Variants in MFAP2 observed in about 807,000 individuals in gnomAD.
MFAP2 encodes the protein microfibrillar-associated protein 2.
MFAP2 carries 23 observed loss-of-function variants against 30.6 expected under a neutral mutation model. The observed-to-expected ratio is 0.75, with a 90% confidence interval of 0.54 to 1.07. The LOEUF (loss-of-function observed/expected upper bound fraction) is 1.07. Ranked by LOEUF, MFAP2 falls within the 50% of genes least tolerant of loss-of-function variation. MFAP2 has a pLI of 0.00. For synonymous variants in MFAP2, 73 were observed against 85.7 expected (o/e 0.85, Z 0.82); for missense variants, 198 against 223.8 (o/e 0.88, Z 0.74).
intron 2 of MFAP2, 125 bp downstream of exon 2, chr1:16,978,112 C>G (rs2076608005): frequency 8.1e-6 from 9 of 1,104,958 alleles, no homozygotes; most frequent in African/African-American, 1.6e-5. Context: ...GCAGAAGGCC[C>G]TGGGAGCTGG....
intron 1 of MFAP2, among the ~76,000 whole-genome samples, chr1:16,980,127 C>G (rs879591559): frequency 4.3e-4 from 65 of 152,088 alleles, no homozygotes; most frequent in Non-Finnish European, 5.6e-4. Context: ...GGGGAGGGGT[C>G]CCGGCGGGAG....
intron 1 of MFAP2, among the ~76,000 whole-genome samples, chr1:16,980,114 CA>C (rs1316642072): frequency 1.3e-5 from 2 of 152,074 alleles, no homozygotes; most frequent in Admixed American, 1.3e-4. Context: ...GAGCCGGGCT[CA>C]GGGGGAGGGG....
At chr1:16,977,031 C>T in intron 3 of MFAP2, 78 bp downstream of exon 3, 3 of 1,612,238 alleles carry the variant, frequency 1.9e-6, no homozygotes, top group Non-Finnish European at 2.5e-6. Context: ...GAGTTCCCAT[C>T]AGCGTGTCCA....
rs1408113045 is a variant in MFAP2, at chr1:16,976,307, A to G, written c.286+194T>C. On this transcript the variant is annotated intron_variant, in intron 6 of 8. Transcript: ENST00000375535. The surrounding 1 kb of genome is among the most constrained non-coding windows in gnomAD (Gnocchi z 5.5). ...GCCAATTTAGCCTCCAGCCAGGCAC[A>G]CTGGGGACAGGTGGGACCTCCTGGA... 4.5e-6 allele frequency: 3 copies of G among 674,004 alleles called. No individual in the cohort carries two copies. The highest frequency in any genetic ancestry group is 7.7e-6 in the Non-Finnish European group (3 of 388,726). 41.8% of individuals were successfully genotyped at this position (674,004 alleles called of 1,614,324 possible). A position where few individuals can be genotyped will look rare whatever the true frequency, so the allele number is the denominator to read the frequency against.
At chr1:16,978,136 G>T in intron 2 of MFAP2, 101 bp downstream of exon 2, 1 of 1,329,178 alleles carries the variant, frequency 7.5e-7, no homozygotes, top group Non-Finnish European at 1.0e-6. Flanking sequence ...GCTGAGTTCT[G>T]GTCATAAGTC....
Position 16,975,497 on chromosome 1 carries a change from G to A in MFAP2, c.374+146C>T, listed in dbSNP as rs1340207215. On this transcript the variant is annotated intron_variant, in intron 7 of 8. Transcript: ENST00000375535. This position sits in a 1 kb window ranked among gnomAD's most constrained non-coding sequence, Gnocchi z 5.0. ...AGCCCAGGAGTGGAGGAGGTCCCTG[G>A]CCCAGGCTCAACCACAGAACTGAGC... 1 of 1,215,464 alleles carries A rather than the reference G, an allele frequency of 8.2e-7. No homozygotes were observed. Among genetic ancestry groups the A allele is most frequent in the Non-Finnish European group, 1.2e-6 (1 of 838,282 alleles). The allele number at this position is 1,215,464 out of a possible 1,614,324, so 75.3% of individuals were successfully genotyped here.
chr1:16,976,642 G>A lies in MFAP2; in HGVS notation c.241+66C>T. The A allele has an allele frequency of 6.2e-7, 1 of 1,610,376 alleles. No homozygotes were observed. Among genetic ancestry groups the A allele is most frequent in the Non-Finnish European group, 8.5e-7 (1 of 1,177,094 alleles). ...CAGCCCTGGCAGACCCCCACTCCCA[G>A]GGTTGACAGGGTGGGGAGGGGTGAG... On this transcript the variant is annotated intron_variant, in intron 5 of 8. Coordinates refer to ENST00000375535, the MANE Select transcript of MFAP2 (RefSeq NM_002403.4). The surrounding 1 kb of genome is among the most constrained non-coding windows in gnomAD (Gnocchi z 5.5).
In MFAP2 at chr1:16,975,854, A is replaced by G. The variant is rs899419858; in HGVS notation, c.287-124T>C. ...CTTCAGGCCCCGTGCAGACACCCAT[A>G]CCTACACATGCCCACATAGACCCAC... On this transcript the variant is annotated intron_variant, in intron 6 of 8. Transcript: ENST00000375535. This position sits in a 1 kb window ranked among gnomAD's most constrained non-coding sequence, Gnocchi z 5.0. The G allele has an allele frequency of 2.8e-6, 2 of 719,444 alleles. No individual in the cohort carries two copies. The highest frequency in any genetic ancestry group is 4.7e-6 in the Non-Finnish European group (2 of 422,212). 44.6% of individuals were successfully genotyped at this position (719,444 alleles called of 1,614,324 possible). A position where few individuals can be genotyped will look rare whatever the true frequency, so the allele number is the denominator to read the frequency against.
In MFAP2 at chr1:16,974,884, CCCAGGAGGG is replaced by C; in HGVS notation, c.*27_*35del. On this transcript the variant is annotated 3_prime_UTR_variant, in exon 9 of 9. Transcript: ENST00000375535. ...CAGGCAGGGCCCGAGGGCCCCAGAT[CCCAGGAGGG>C]CCAGGACTCAGGATGCCAGCACCAC... 8 of 610,370 alleles carry C rather than the reference CCCAGGAGGG, an allele frequency of 1.3e-5. No homozygotes were observed. The highest frequency in any genetic ancestry group is 2.3e-5 in the Non-Finnish European group (8 of 346,362). 37.8% of individuals were successfully genotyped at this position (610,370 alleles called of 1,614,324 possible).
chr1:16,977,974 G>A, intron 2 of MFAP2: 1 of 435,126 alleles, frequency 2.3e-6, no homozygotes, highest in South Asian at 2.8e-5. Flanking sequence ...TGTGCCCACG[G>A]AGTCCTTGTG....
At position 16,976,274 on chromosome 1, in the gene MFAP2, C is replaced by T; in HGVS notation, c.286+227G>A. On this transcript the variant is annotated intron_variant, in intron 6 of 8. Coordinates refer to ENST00000375535, the MANE Select transcript of MFAP2 (RefSeq NM_002403.4). This position sits in a 1 kb window ranked among gnomAD's most constrained non-coding sequence, Gnocchi z 5.5. The stretch of plus-strand genomic sequence containing the variant: ...CAGTATCTGTGAGGTCAGGGGCCTT[C>T]CTAGGCTGCCAATTTAGCCTCCAGC... 2 of 615,604 alleles carry T rather than the reference C, an allele frequency of 3.2e-6. No individual in the cohort carries two copies. The highest frequency in any genetic ancestry group is 5.7e-5 in the Admixed American group (2 of 35,218). The allele number at this position is 615,604 out of a possible 1,614,324, so 38.1% of individuals were successfully genotyped here. A position where few individuals can be genotyped will look rare whatever the true frequency, so the allele number is the denominator to read the frequency against.
At chr1:16,979,222 G>C (rs2100588263) in intron 1 of MFAP2, 1 of 152,394 alleles carries the variant, frequency 6.6e-6, no homozygotes, top group South Asian at 2.1e-4. Context: ...TGGGACTTGG[G>C]GGAGCCTCCG....
chr1:16,979,869 T>A (rs1349372707), intron 1 of MFAP2, among the ~76,000 whole-genome samples: 1 of 152,138 alleles, frequency 6.6e-6, no homozygotes, highest in African/African-American at 2.4e-5. Context: ...GAAGTCAGTG[T>A]GGAGTTCATG....
In MFAP2 at chr1:16,975,335, G is replaced by A. The variant is rs2076579704; in HGVS notation, c.382C>T (p.Arg128Cys). 2.5e-6 allele frequency: 4 copies of A among 1,613,730 alleles called. No individual in the cohort carries two copies. The highest frequency in any genetic ancestry group is 4.5e-5 in the East Asian group (2 of 44,882). Residue 128 changes from arginine to cysteine, a missense_variant, in exon 8 of 9, where the codon CGT becomes TGT. Coordinates refer to ENST00000375535, the MANE Select transcript of MFAP2 (RefSeq NM_002403.4). The surrounding 1 kb of genome is among the most constrained non-coding windows in gnomAD (Gnocchi z 5.0). ...ATCTCCTTGTTAATGACGTACACAC[G>A]GCGGAGGCTGCGGGGACAGGGCACG... ...LNEVCFYSLR[R>C]VYVINKEICV...
chr1:16,977,532 G>A (rs909257585), intron 2 of MFAP2: 3 of 259,250 alleles, frequency 1.2e-5, no homozygotes, highest in African/African-American at 6.7e-5. Context: ...GTCTTCCCTG[G>A]AATTTCAGCT....
intron 2 of MFAP2, 79 bp from the exon 3 acceptor site, chr1:16,977,277 G>A (rs1056329985): frequency 6.5e-5 from 92 of 1,423,002 alleles, no homozygotes; most frequent in Non-Finnish European, 8.2e-5. Flanking sequence ...GAGTGGAGGC[G>A]GGGGTCACAA....
chr1:16,980,853 T>G (rs913568193), upstream of MFAP2: 1 of 153,002 alleles, frequency 6.5e-6, no homozygotes, highest in African/African-American at 2.4e-5. Flanking sequence ...CAGCTGCTCC[T>G]CACTCGACGT....
intron 2 of MFAP2, 53 bp downstream of exon 2, chr1:16,978,184 T>C (rs2076608693): frequency 6.5e-6 from 10 of 1,536,896 alleles, no homozygotes; most frequent in Non-Finnish European, 7.9e-6. Context: ...CTACTAACCC[T>C]ACTCCTCAGC....
Position 16,975,005 on chromosome 1 carries a change from T to C in MFAP2, c.467A>G (p.Lys156Arg). Residue 156 changes from lysine to arginine, a missense_variant, in exon 9 of 9, where the codon AAG becomes AGG. Coordinates refer to ENST00000375535, the MANE Select transcript of MFAP2 (RefSeq NM_002403.4). This position sits in a 1 kb window ranked among gnomAD's most constrained non-coding sequence, Gnocchi z 5.0. ...GGCCATCACGCCACATTTGGAGAAC[T>C]TGTCCCGACAGAGGTCAGCTATTGG... The part of the protein sequence containing the change: ...ELLRADLCRD[K>R]FSKCGVMASS... The C allele has an allele frequency of 1.1e-6, 1 of 878,252 alleles. No individual in the cohort carries two copies. The allele number at this position is 878,252 out of a possible 1,614,324, so 54.4% of individuals were successfully genotyped here.
Sources: allele counts gnomAD v4.1 joint callset (sites outside exome capture counted in the v4.1 genomes callset), GRCh38; gene constraint gnomAD v4.1.1; non-coding constraint Gnocchi (gnomAD v3.1); transcripts MANE v1.5; gene names NCBI Gene and HGNC (gene_info 2026-07-23, HGNC 2026-07-21).